Variants in TMEM123 observed in about 807,000 individuals in gnomAD.
TMEM123 encodes porimin.
TMEM123 carries 16 observed loss-of-function variants against 19.7 expected under a neutral mutation model. That is an observed-to-expected ratio of 0.81 (90% CI 0.55 to 1.23). The LOEUF is 1.23. Among genes scored for constraint, TMEM123 ranks in the 50% most tolerant of loss-of-function variants. The pLI is 0.00. For synonymous variants in TMEM123, 118 were observed against 99.4 expected, an observed-to-expected ratio of 1.19 and a Z score of -1.12; for missense variants, 313 against 257.8, an observed-to-expected ratio of 1.21 and a Z score of -1.47.
At chr11:102,404,472 C>T (rs1247526062) in intron 2 of TMEM123, among the ~76,000 whole-genome samples, 1 of 151,918 alleles carries the variant, frequency 6.6e-6, no homozygotes, top group African/African-American at 2.4e-5. Context: ...TTAGTAGAGA[C>T]AGCGCTTCAC....
rs372707111 is a variant in TMEM123 at position 102,434,568 on chromosome 11, T to C, written c.157+14244A>G. ...TCTCTTCATTCTGTTGTTTCCTTTT[T>C]ATGCAGAAGCTTTTCAGTTTGATGT... On this transcript the variant is annotated intron_variant, in intron 2 of 4. Transcript: ENST00000398136. 6.6e-5 allele frequency among the ~76,000 whole-genome samples: 10 copies of C among 152,112 alleles called. No individual in the cohort carries two copies. The South Asian group carries it at 1.7e-3, about 25-fold the overall frequency.
chr11:102,421,938 A>C (rs1269882772), intron 2 of TMEM123, among the ~76,000 whole-genome samples: 1 of 152,194 alleles, frequency 6.6e-6, no homozygotes, highest in Non-Finnish European at 1.5e-5. Flanking sequence ...AAATGCCCTG[A>C]AGTGCTGTTG....
In TMEM123 at chr11:102,397,635, G is replaced by A. The variant is rs938007546; in HGVS notation, c.*1232C>T. The A allele has an allele frequency of 6.6e-6, 1 of 152,114 alleles. No individual in the cohort carries two copies. The highest frequency in any genetic ancestry group is 6.6e-5 in the Admixed American group (1 of 15,266). The allele number at this position is 152,114 out of a possible 1,614,324, so 9.4% of individuals were successfully genotyped here. Reference sequence around the variant, plus strand: ...TTTGAGGGAATATCCAAATCAGGAAGGAGGAAATGTCCTCTCTAAAAATTC... The same window carrying A: ...TTTGAGGGAATATCCAAATCAGGAAAGAGGAAATGTCCTCTCTAAAAATTC... On this transcript the variant is annotated 3_prime_UTR_variant, in exon 5 of 5. Transcript: ENST00000398136.
chr11:102,414,337 AG>A (rs1350153397), intron 2 of TMEM123, among the ~76,000 whole-genome samples: 3 of 152,226 alleles, frequency 2.0e-5, no homozygotes, highest in Non-Finnish European at 4.4e-5. Context: ...TTTCAAATTC[AG>A]GAAACTCAGA....
chr11:102,409,491 A>G (rs891537594), intron 2 of TMEM123, among the ~76,000 whole-genome samples: 2 of 152,150 alleles, frequency 1.3e-5, no homozygotes, highest in African/African-American at 4.8e-5. Context: ...TTCATTCTAA[A>G]CATTCTTCTG....
rs371894913 is a variant in TMEM123 at position 102,452,526 on chromosome 11, G to A, written c.98C>T (p.Ala33Val). The change falls in exon 1 of 5, where the codon GCG becomes GTG. Residue 33 changes from alanine to valine, a missense_variant and splice_region_variant. Transcript: ENST00000398136. Reference sequence around the variant, plus strand: ...TGACGACCCCCGCAGCCACTTACCCGCCATGGCTGCGCTTTCATGGGCGGC... The same window carrying A: ...TGACGACCCCCGCAGCCACTTACCCACCATGGCTGCGCTTTCATGGGCGGC... Reference protein sequence around the residue: ...LGAAHESAAMAASANIENSGL... With the variant: ...LGAAHESAAMVASANIENSGL... 3.2e-6 allele frequency: 5 copies of A among 1,543,934 alleles called. No individual in the cohort carries two copies. The highest frequency in any genetic ancestry group is 2.7e-5 in the African/African-American group (2 of 72,848).
At chr11:102,447,391 G>A (rs926161845) in intron 2 of TMEM123, among the ~76,000 whole-genome samples, 11 of 152,154 alleles carry the variant, frequency 7.2e-5, no homozygotes, top group African/African-American at 2.4e-4. Flanking sequence ...ATGTGATCTT[G>A]GGCATTTCCT....
intron 4 of TMEM123, among the ~76,000 whole-genome samples, chr11:102,400,810 C>T (rs1049864299): frequency 3.3e-5 from 5 of 152,122 alleles, no homozygotes; most frequent in East Asian, 3.8e-4. Flanking sequence ...TCCAAGCCTC[C>T]GGAAGTGTGA....
chr11:102,398,897 A>G lies in TMEM123; in HGVS notation c.603-6T>C, dbSNP rs766146364. On this transcript the variant is annotated splice_polypyrimidine_tract_variant and splice_region_variant and intron_variant, in intron 4 of 4. Coordinates refer to ENST00000398136, the MANE Select transcript of TMEM123 (RefSeq NM_052932.3). ...TGATGGCATCATGTTCATCTCTGTA[A>G]TATATTAAAAGTTACAATTACTTTG... The G allele has an allele frequency of 1.2e-6, 2 of 1,608,328 alleles. No individual in the cohort carries two copies. Among genetic ancestry groups the G allele is most frequent in the Non-Finnish European group, 8.5e-7 (1 of 1,178,104 alleles).
intron 2 of TMEM123, among the ~76,000 whole-genome samples, chr11:102,412,296 C>T (rs531606518): frequency 4.6e-5 from 7 of 152,152 alleles, no homozygotes; most frequent in Admixed American, 1.3e-4. Context: ...GGCATGGTGG[C>T]GCATGCCTGT....
rs1363034965 is a variant in TMEM123, at chr11:102,397,546, T to C, written c.*1321A>G. The C allele has an allele frequency of 6.6e-6, 1 of 152,186 alleles. No homozygotes were observed. The highest frequency in any genetic ancestry group is 1.5e-5 in the Non-Finnish European group (1 of 68,016). 9.4% of individuals were successfully genotyped at this position (152,186 alleles called of 1,614,324 possible). The stretch of plus-strand genomic sequence containing the variant: ...TTGGTGTCTCTACAATACTGTGCTT[T>C]TTCTCTCCATTAACATAATGCATCT... On this transcript the variant is annotated 3_prime_UTR_variant, in exon 5 of 5. Coordinates refer to ENST00000398136, the MANE Select transcript of TMEM123 (RefSeq NM_052932.3).
chr11:102,425,296 C>T (rs1952117197), intron 2 of TMEM123, among the ~76,000 whole-genome samples: 1 of 152,212 alleles, frequency 6.6e-6, no homozygotes, highest in African/African-American at 2.4e-5. Flanking sequence ...AACAACAACG[C>T]TTGGCAACAG....
At chr11:102,418,330 G>A (rs961919673) in intron 2 of TMEM123, among the ~76,000 whole-genome samples, 3 of 151,786 alleles carry the variant, frequency 2.0e-5, no homozygotes, top group African/African-American at 7.3e-5. Context: ...AAACTTAAAT[G>A]AACAGGCAAA....
At chr11:102,447,872 A>G (rs1431960868) in intron 2 of TMEM123, among the ~76,000 whole-genome samples, 1 of 152,236 alleles carries the variant, frequency 6.6e-6, no homozygotes, top group African/African-American at 2.4e-5. Context: ...ACTAAGTGAA[A>G]CACTGGGATG....
chr11:102,442,437 G>A (rs773585239), intron 2 of TMEM123, among the ~76,000 whole-genome samples: 5 of 152,206 alleles, frequency 3.3e-5, no homozygotes, highest in Admixed American at 6.5e-5. Flanking sequence ...CAGAACCAAC[G>A]ACAAAAACCA....
intron 2 of TMEM123, among the ~76,000 whole-genome samples, chr11:102,437,056 A>T (rs916476881): frequency 2.0e-5 from 3 of 152,166 alleles, no homozygotes; most frequent in South Asian, 2.1e-4. Flanking sequence ...CAAATATTTT[A>T]AAAATGCCCC....
Position 102,445,627 on chromosome 11 carries a change from G to T in TMEM123, c.157+3185C>A, listed in dbSNP as rs182815193. The stretch of plus-strand genomic sequence containing the variant: ...CAGTAAGACTTTCATTGTTGCAATC[G>T]GGGGTAAAAATTGGAATACAGAATA... On this transcript the variant is annotated intron_variant, in intron 2 of 4. Transcript: ENST00000398136. Among the ~76,000 whole-genome samples, 1,313 of 152,186 alleles carry T rather than the reference G, an allele frequency of 8.6e-3. 19 individuals are homozygous for T. The highest frequency in any genetic ancestry group is 0.029 in the African/African-American group (1,193 of 41,534).
At chr11:102,437,450 T>A (rs1857775924) in intron 2 of TMEM123, among the ~76,000 whole-genome samples, 1 of 145,678 alleles carries the variant, frequency 6.9e-6, no homozygotes. Flanking sequence ...AGAATGAGAC[T>A]CTATCTCAAA....
intron 1 of TMEM123, among the ~76,000 whole-genome samples, chr11:102,450,959 T>C (rs185570289): frequency 7.9e-5 from 12 of 152,376 alleles, no homozygotes; most frequent in African/African-American, 2.9e-4. Context: ...AGAAATCTTC[T>C]ATTGTATACC....
Sources: allele counts gnomAD v4.1 joint callset (sites outside exome capture counted in the v4.1 genomes callset), GRCh38; gene constraint gnomAD v4.1.1; transcripts MANE v1.5; gene names NCBI Gene and HGNC (gene_info 2026-07-23, HGNC 2026-07-21).